METTL15: variants seen among roughly 807,000 people sequenced by gnomAD.
METTL15 encodes 12S rRNA N(4)-cytidine methyltransferase METTL15.
A neutral mutation model predicts 38.3 loss-of-function variants in METTL15; 34 were observed. That is an observed-to-expected ratio of 0.89 (90% CI 0.68 to 1.18). The LOEUF is 1.18. Ranked by LOEUF, METTL15 falls within the 50% of genes most tolerant of loss-of-function variation. The pLI is 0.00. For synonymous variants in METTL15, 162 were observed against 170.9 expected, an observed-to-expected ratio of 0.95 and a Z score of 0.41; for missense variants, 438 against 498.4, an observed-to-expected ratio of 0.88 and a Z score of 1.15.
intron 5 of METTL15, among the ~76,000 whole-genome samples, chr11:28,291,703 A>C (rs1055815430): frequency 6.6e-6 from 1 of 152,168 alleles, no homozygotes. Context: ...AGTAACTAAT[A>C]GTAAAGGTGA....
At chr11:28,143,116 A>G (rs975233972) in intron 3 of METTL15, among the ~76,000 whole-genome samples, 7 of 151,914 alleles carry the variant, frequency 4.6e-5, no homozygotes, top group African/African-American at 1.7e-4. Flanking sequence ...TTTCCTTAAT[A>G]GAAGATCACA....
intron 6 of METTL15, among the ~76,000 whole-genome samples, chr11:28,433,158 G>GTTT (rs1564930335): frequency 8.8e-6 from 1 of 113,626 alleles, no homozygotes; most frequent in Non-Finnish European, 2.0e-5. Context: ...CTCAGGTTTT[G>GTTT]TTTTGTTTTT....
chr11:28,191,767 T>C (rs1292352577), intron 3 of METTL15, among the ~76,000 whole-genome samples: 1 of 151,686 alleles, frequency 6.6e-6, no homozygotes, highest in Admixed American at 6.6e-5. Flanking sequence ...TTTAAGCCTA[T>C]TGTGAAAACT....
intron 5 of METTL15, among the ~76,000 whole-genome samples, chr11:28,391,052 A>G (rs1376078436): frequency 6.6e-6 from 1 of 152,254 alleles, no homozygotes; most frequent in East Asian, 1.9e-4. Context: ...GTGTATAAGA[A>G]TGCTTGTGAT....
chr11:28,511,917 G>A (rs916418955), intron 6 of METTL15, among the ~76,000 whole-genome samples: 21 of 152,100 alleles, frequency 1.4e-4, no homozygotes, highest in East Asian at 5.8e-4. Flanking sequence ...TACAGAGAGC[G>A]GGAGTGGTCT....
chr11:28,206,275 A>G (rs1399273448), intron 3 of METTL15, among the ~76,000 whole-genome samples: 1 of 151,676 alleles, frequency 6.6e-6, no homozygotes, highest in Non-Finnish European at 1.5e-5. Context: ...ATCTTGAATT[A>G]ATTTTTGTAT....
At chr11:28,217,429 T>A (rs1325106624) in intron 4 of METTL15, among the ~76,000 whole-genome samples, 1 of 152,228 alleles carries the variant, frequency 6.6e-6, no homozygotes. Context: ...TGTAAATTTG[T>A]TGGAGTTCAT....
intron 4 of METTL15, among the ~76,000 whole-genome samples, chr11:28,219,522 A>G (rs1429625791): frequency 2.0e-5 from 3 of 151,940 alleles, no homozygotes; most frequent in South Asian, 4.1e-4. Context: ...TCCTTGATTT[A>G]TTGATTTTTT....
chr11:28,522,468 G>A (rs1202056187), intron 6 of METTL15, among the ~76,000 whole-genome samples: 1 of 152,160 alleles, frequency 6.6e-6, no homozygotes, highest in African/African-American at 2.4e-5. Flanking sequence ...TTCTATCCAG[G>A]CCTTCAGCTG....
chr11:28,478,109 T>C (rs1000240471), intron 6 of METTL15, among the ~76,000 whole-genome samples: 3 of 152,186 alleles, frequency 2.0e-5, no homozygotes, highest in Admixed American at 6.5e-5. Context: ...TATTTTGTTA[T>C]TTTAGACCTA....
At chr11:28,439,104 T>G (rs1851011241) in intron 6 of METTL15, among the ~76,000 whole-genome samples, 1 of 152,156 alleles carries the variant, frequency 6.6e-6, no homozygotes, top group Non-Finnish European at 1.5e-5. Flanking sequence ...GCTGTTACCC[T>G]TTGCTAGGGA....
chr11:28,345,668 C>T (rs1372734763), intron 3 of METTL15, among the ~76,000 whole-genome samples: 5 of 152,098 alleles, frequency 3.3e-5, no homozygotes, highest in African/African-American at 9.7e-5. Flanking sequence ...CTTTTCATTC[C>T]TTTTTTCTAA....
chr11:28,240,256 G>T (rs1189762674), intron 4 of METTL15, among the ~76,000 whole-genome samples: 3 of 152,114 alleles, frequency 2.0e-5, no homozygotes, highest in Admixed American at 6.5e-5. Flanking sequence ...ATCATGTAAA[G>T]ATCAGCTATA....
At chr11:28,267,670 C>A (rs1364007873) in intron 4 of METTL15, among the ~76,000 whole-genome samples, 1 of 152,108 alleles carries the variant, frequency 6.6e-6, no homozygotes, top group East Asian at 1.9e-4. Context: ...AATATTATTT[C>A]ATTTCATTGT....
chr11:28,450,375 G>A (rs1385890438), intron 6 of METTL15, among the ~76,000 whole-genome samples: 2 of 152,138 alleles, frequency 1.3e-5, no homozygotes, highest in African/African-American at 4.8e-5. Context: ...TCCTCATGAG[G>A]CTTATTTACA....
At chr11:28,215,318 G>T (rs751919363) in intron 4 of METTL15, among the ~76,000 whole-genome samples, 1 of 152,022 alleles carries the variant, frequency 6.6e-6, no homozygotes, top group South Asian at 2.1e-4. Context: ...GGAGAAAAAA[G>T]GTTCTGGTTT....
At chr11:28,392,011 A>T (rs1850514279) in intron 5 of METTL15, among the ~76,000 whole-genome samples, 1 of 152,196 alleles carries the variant, frequency 6.6e-6, no homozygotes, top group Non-Finnish European at 1.5e-5. Context: ...AGAAACTACC[A>T]TCAGAGTGAA....
chr11:28,359,633 G>C (rs1336403177), intron 4 of METTL15, among the ~76,000 whole-genome samples: 1 of 152,088 alleles, frequency 6.6e-6, no homozygotes, highest in Non-Finnish European at 1.5e-5. Flanking sequence ...GTGTGAGATG[G>C]TATCTTATGG....
intron 5 of METTL15, among the ~76,000 whole-genome samples, chr11:28,376,525 T>G (rs1850314178): frequency 6.6e-6 from 1 of 152,186 alleles, no homozygotes. Context: ...TTGGTAGATC[T>G]TCCTGCATCC....
Sources: gnomAD v4.1 joint callset for allele counts (sites outside exome capture counted in the v4.1 genomes callset) on GRCh38, gnomAD v4.1.1 for gene constraint, MANE v1.5 for transcripts, NCBI Gene and HGNC (gene_info 2026-07-23, HGNC 2026-07-21) for gene names.